The following PIGS variants were observed in gnomAD, a reference collection of about 807,000 sequenced individuals.
PIGS encodes GPI-anchor transamidase component PIGS.
In PIGS, 37 loss-of-function variants were observed where a neutral mutation model predicts 58.2. The observed-to-expected ratio is 0.64, with a 90% CI of 0.49 to 0.84. PIGS has a LOEUF of 0.84. Among genes scored for constraint, PIGS ranks in the 40% least tolerant of loss-of-function variants. The pLI is 0.00. For missense variants in PIGS, 629 were observed against 710.8 expected, an observed-to-expected ratio of 0.88 and a Z score of 1.31; for synonymous variants, 269 against 289.2, an observed-to-expected ratio of 0.93 and a Z score of 0.71.
At chr17:28,559,025 G>C (rs2070346968) in intron 7 of PIGS, among the ~76,000 whole-genome samples, 1 of 152,068 alleles carries the variant, frequency 6.6e-6, no homozygotes, top group African/African-American at 2.4e-5. Context: ...CTGTTGCCAG[G>C]CTGGAGTGCA....
rs146259850 is a variant in PIGS at position 28,563,463 on chromosome 17, C to G, written c.436G>C (p.Val146Leu). Residue 146 changes from valine to leucine, a missense_variant, in exon 5 of 12, where the codon GTG (valine) becomes CTG (leucine). By Grantham distance (32) the Val-to-Leu change is conservative. Coordinates refer to ENST00000308360, the MANE Select transcript of PIGS (RefSeq NM_033198.4). The part of the protein sequence containing the change: ...EQAEGSLTVY[V>L]ISEHSSLLPQ... ...AGAAGTGAGGAGTGTTCAGATATCA[C>G]GTACACAGTCAGGGAGCCCTCCGCT... 1.7e-5 allele frequency: 28 copies of G among 1,614,146 alleles called. No individual in the cohort carries two copies. Among genetic ancestry groups the G allele is most frequent in the Non-Finnish European group, 2.2e-5 (26 of 1,180,014 alleles).
chr17:28,557,380 G>T, intron 8 of PIGS: 1 of 191,050 alleles, frequency 5.2e-6, no homozygotes, highest in South Asian at 9.2e-5. Flanking sequence ...TCCTTAACAT[G>T]GTCCTTTATG....
chr17:28,554,297 C>A lies in PIGS; in HGVS notation c.1591G>T (p.Val531Leu). The change falls in exon 12 of 12, where the codon GTG becomes TTG. Residue 531 changes from valine to leucine, a missense_variant. Physicochemically the swap from Val to Leu is conservative, Grantham distance 32 (BLOSUM62 1). Coordinates refer to ENST00000308360, the MANE Select transcript of PIGS (RefSeq NM_033198.4). ...TTGACCAGGGACAGGAGGATGGGCA[C>A]AGCCATAGGCAGGAAGAGTGGGATG... is the stretch of plus-strand genomic sequence containing the variant. Reference protein sequence around the residue: ...IYIPLFLPMAVPILLSLVKIF... With the variant: ...IYIPLFLPMALPILLSLVKIF... 1.2e-6 allele frequency: 2 copies of A among 1,614,164 alleles called. No homozygotes were observed. Among genetic ancestry groups the A allele is most frequent in the Non-Finnish European group, 1.7e-6 (2 of 1,180,022 alleles).
chr17:28,560,276 G>A, intron 6 of PIGS, 85 bp from the exon 7 acceptor site: 3 of 1,472,748 alleles, frequency 2.0e-6, no homozygotes, highest in Non-Finnish European at 2.8e-6. Context: ...AGCTGAACTT[G>A]TTTCTCCTCT....
At chr17:28,558,910 G>A (rs1255805869) in intron 7 of PIGS, among the ~76,000 whole-genome samples, 2 of 152,182 alleles carry the variant, frequency 1.3e-5, no homozygotes, top group African/African-American at 4.8e-5. Flanking sequence ...CTCCCACTAG[G>A]AAGACCTGAT....
chr17:28,562,748 T>C (rs569021004), intron 5 of PIGS, among the ~76,000 whole-genome samples: 25 of 147,054 alleles, frequency 1.7e-4, no homozygotes, highest in Admixed American at 8.2e-4. Context: ...CTTGTATTGT[T>C]AGTAGAGATG....
intron 3 of PIGS, among the ~76,000 whole-genome samples, chr17:28,570,492 C>G (rs888735059): frequency 6.6e-6 from 1 of 152,214 alleles, no homozygotes; most frequent in Admixed American, 6.5e-5. Flanking sequence ...GCCTGGGCGA[C>G]AGAGCGAAGC....
intron 8 of PIGS, among the ~76,000 whole-genome samples, chr17:28,557,723 A>G (rs2070339813): frequency 1.3e-5 from 2 of 152,216 alleles, no homozygotes; most frequent in African/African-American, 2.4e-5. Flanking sequence ...CCTGTGTTAC[A>G]GTTCTTAGTC....
intron 7 of PIGS, among the ~76,000 whole-genome samples, chr17:28,558,796 G>A (rs763672146): frequency 2.3e-4 from 35 of 152,194 alleles, no homozygotes; most frequent in Middle Eastern, 6.8e-3. Flanking sequence ...TAAAAATCAC[G>A]TATTTTACCA....
At position 28,554,833 on chromosome 17, in the gene PIGS, C is replaced by G; in HGVS notation, c.1392+18G>C. The G allele has an allele frequency of 6.2e-7, 1 of 1,613,780 alleles. No homozygotes were observed. The highest frequency in any genetic ancestry group is 8.5e-7 in the Non-Finnish European group (1 of 1,179,758). Reference sequence around the variant, plus strand: ...TACTCCAGTCCCAAGCTGCAGAATCCATCCCCTGCCTGCTTACCTCAGATG... The same window carrying G: ...TACTCCAGTCCCAAGCTGCAGAATCGATCCCCTGCCTGCTTACCTCAGATG... On this transcript the variant is annotated intron_variant, in intron 11 of 11. Coordinates refer to ENST00000308360, the MANE Select transcript of PIGS (RefSeq NM_033198.4).
At chr17:28,568,733 T>A (rs1044545897) in intron 3 of PIGS, among the ~76,000 whole-genome samples, 2 of 152,098 alleles carry the variant, frequency 1.3e-5, no homozygotes, top group Non-Finnish European at 2.9e-5. Context: ...TATGAAGAAA[T>A]CCATGATAAA....
rs1347749629 is a variant in PIGS, at chr17:28,560,094, G to A, written c.774C>T (p.Phe258=). 1.2e-6 allele frequency: 2 copies of A among 1,612,910 alleles called. No individual in the cohort carries two copies. The highest frequency in any genetic ancestry group is 1.7e-6 in the Non-Finnish European group (2 of 1,179,584). The stretch of plus-strand genomic sequence containing the variant: ...TGCCAGCGGCACCGAGGGCATTCAG[G>A]AAAGGTTGCACATAGCGCCGGACAG... ...EGAVRRYVQP[F]LNALGAAGNF... Residue 258 remains phenylalanine, a synonymous_variant, in exon 7 of 12, where the codon TTC becomes TTT. Transcript: ENST00000308360.
chr17:28,570,938 A>AG lies in PIGS; in HGVS notation c.199_200insC (p.Val67AlafsTer23), dbSNP rs777921205. 2 of 1,614,112 alleles carry AG rather than the reference A, an allele frequency of 1.2e-6. No homozygotes were observed. The highest frequency in any genetic ancestry group is 1.7e-6 in the Non-Finnish European group (2 of 1,180,040). On this transcript the variant is annotated frameshift_variant, in exon 3 of 12. Transcript: ENST00000308360. LOFTEE classifies it high-confidence loss of function. ...GGGCACTGACTCCCGCGTAAACACG[A>AG]CAGTGACAGGCACCATGAGGCGGAG...
intron 9 of PIGS, chr17:28,556,601 C>A: frequency 1.4e-6 from 1 of 697,918 alleles, no homozygotes; most frequent in East Asian, 2.5e-5. Context: ...CAGAATGATC[C>A]TAGGTAAGGG....
At position 28,554,440 on chromosome 17, in the gene PIGS, T is replaced by C. The variant is rs750835568; in HGVS notation, c.1448A>G (p.His483Arg). ...GCTGGCGACAAAGGCAGATGCCAGG[T>C]GCCCAGACGCCAACTCTTCTGCCGA... ...QKSAEELASGHLASAFVASQE... is the reference protein window; with the variant it reads ...QKSAEELASGRLASAFVASQE... The change falls in exon 12 of 12, where the codon CAC becomes CGC. Residue 483 changes from histidine to arginine, a missense_variant. By Grantham distance (29) the His-to-Arg change is conservative (BLOSUM62 0). Transcript: ENST00000308360. 2 of 1,614,024 alleles carry C rather than the reference T, an allele frequency of 1.2e-6. No homozygotes were observed. The highest frequency in any genetic ancestry group is 1.7e-6 in the Non-Finnish European group (2 of 1,180,040).
chr17:28,568,201 C>A (rs1229129375), intron 3 of PIGS, among the ~76,000 whole-genome samples: 1 of 151,964 alleles, frequency 6.6e-6, no homozygotes, highest in Non-Finnish European at 1.5e-5. Context: ...CTCACAGGTT[C>A]AAGCGATTCT....
At position 28,563,871 on chromosome 17, in the gene PIGS, T is replaced by C. The variant is rs748727130; in HGVS notation, c.323A>G (p.Tyr108Cys). Residue 108 changes from tyrosine to cysteine, a missense_variant, in exon 4 of 12, where the codon TAT becomes TGT. Coordinates refer to ENST00000308360, the MANE Select transcript of PIGS (RefSeq NM_033198.4). ...MKIKCRFQKA[Y>C]RRALDHEEEA... ...CTCCTCATGGTCCAAAGCCCTCCGA[T>C]AGGCCTTCTGGAAACGGCATTTGAT... The C allele has an allele frequency of 1.2e-5, 20 of 1,614,066 alleles. No individual in the cohort carries two copies. Among genetic ancestry groups the C allele is most frequent in the South Asian group, 5.5e-5 (5 of 91,088 alleles).
At chr17:28,560,339 A>G in intron 6 of PIGS, 148 bp from the exon 7 acceptor site, 1 of 956,174 alleles carries the variant, frequency 1.0e-6, no homozygotes, top group Non-Finnish European at 1.5e-6. Context: ...AACTGGGATG[A>G]GGAACACTGA....
intron 5 of PIGS, chr17:28,561,855 C>T (rs537997809): frequency 4.1e-6 from 2 of 489,656 alleles, no homozygotes; most frequent in Admixed American, 3.9e-5. Flanking sequence ...TGGGTCCAGG[C>T]AGCATCTAAC....
Sources: gnomAD v4.1 joint callset for allele counts (sites outside exome capture counted in the v4.1 genomes callset) on GRCh38, gnomAD v4.1.1 for gene constraint, MANE v1.5 for transcripts, NCBI Gene and HGNC (gene_info 2026-07-23, HGNC 2026-07-21) for gene names.